TEC: variants seen among roughly 807,000 people sequenced by gnomAD.
The protein encoded by TEC is tyrosine-protein kinase Tec.
TEC carries 72 observed loss-of-function variants against 93.0 expected under a neutral mutation model. The ratio of observed to expected loss-of-function variants is 0.77; its 90% CI spans 0.64 to 0.94. The LOEUF is 0.94. Ranked by LOEUF, TEC falls within the 40% of genes least tolerant of loss-of-function variation. The pLI is 0.00. For synonymous variants in TEC, 249 were observed against 247.7 expected, an observed-to-expected ratio of 1.01 and a Z score of -0.05; for missense variants, 630 against 757.9, an observed-to-expected ratio of 0.83 and a Z score of 1.98.
At chr4:48,177,065 G>A (rs1258497090) in intron 2 of TEC, among the ~76,000 whole-genome samples, 1 of 151,872 alleles carries the variant, frequency 6.6e-6, no homozygotes, top group East Asian at 1.9e-4. Context: ...GCCTGCTGTA[G>A]ATCTGCCTGC....
At chr4:48,233,350 T>G (rs1315728550) in intron 1 of TEC, among the ~76,000 whole-genome samples, 1 of 151,644 alleles carries the variant, frequency 6.6e-6, no homozygotes, top group Non-Finnish European at 1.5e-5. Context: ...CTTTTTTTTT[T>G]TTTTTTTTTT....
intron 2 of TEC, among the ~76,000 whole-genome samples, chr4:48,208,255 A>G (rs1159132304): frequency 6.6e-6 from 1 of 152,164 alleles, no homozygotes; most frequent in East Asian, 1.9e-4. Flanking sequence ...ATCACAGTCT[A>G]ATTTCCTCAA....
chr4:48,172,431 T>G (rs1384155029), intron 3 of TEC, among the ~76,000 whole-genome samples: 5 of 139,546 alleles, frequency 3.6e-5, no homozygotes, highest in South Asian at 2.6e-4. Flanking sequence ...ATCAAAGGAA[T>G]GTACTTTTTT....
intron 7 of TEC, among the ~76,000 whole-genome samples, chr4:48,165,416 G>A (rs1720838407): frequency 6.6e-6 from 1 of 152,112 alleles, no homozygotes; most frequent in Admixed American, 6.5e-5. Context: ...AAATGCAGAT[G>A]GAATGACAAA....
chr4:48,144,645 T>G (rs916354048), intron 14 of TEC, among the ~76,000 whole-genome samples: 1 of 152,344 alleles, frequency 6.6e-6, no homozygotes, highest in Non-Finnish European at 1.5e-5. Context: ...CCAAAGGATT[T>G]CTCTTATAGT....
chr4:48,265,395 G>A (rs1261518984), intron 1 of TEC, among the ~76,000 whole-genome samples: 1 of 146,234 alleles, frequency 6.8e-6, no homozygotes, highest in Admixed American at 6.9e-5. Flanking sequence ...ATATGTGTGT[G>A]TATATGTATA....
intron 2 of TEC, among the ~76,000 whole-genome samples, chr4:48,194,437 T>G (rs1270735631): frequency 6.6e-6 from 1 of 152,356 alleles, no homozygotes; most frequent in South Asian, 2.1e-4. Context: ...TCTAGTTCTC[T>G]TCAATGTTAA....
At chr4:48,217,743 G>T (rs1045963749) in intron 2 of TEC, among the ~76,000 whole-genome samples, 6 of 151,870 alleles carry the variant, frequency 4.0e-5, no homozygotes, top group African/African-American at 1.5e-4. Flanking sequence ...TGGGGCTGGA[G>T]GGGCAGGGAG....
chr4:48,164,324 T>TG (rs1720792347), intron 7 of TEC, among the ~76,000 whole-genome samples: 1 of 152,186 alleles, frequency 6.6e-6, no homozygotes, highest in Non-Finnish European at 1.5e-5. Flanking sequence ...AGCAAATTCT[T>TG]GGGTCATAAC....
intron 2 of TEC, among the ~76,000 whole-genome samples, chr4:48,209,271 A>G (rs1722815347): frequency 1.3e-5 from 2 of 152,142 alleles, no homozygotes; most frequent in African/African-American, 4.8e-5. Context: ...TTGATGATAG[A>G]AAACTATGTC....
intron 1 of TEC, among the ~76,000 whole-genome samples, chr4:48,266,944 G>A (rs1281718658): frequency 1.3e-5 from 2 of 152,190 alleles, no homozygotes; most frequent in African/African-American, 4.8e-5. Context: ...GGGAAAATAG[G>A]GAAGCTGTAC....
chr4:48,144,961 T>C (rs1719841640), intron 14 of TEC, 118 bp downstream of exon 14: 3 of 845,940 alleles, frequency 3.5e-6, no homozygotes, highest in Non-Finnish European at 5.8e-6. Flanking sequence ...ACTTTAAAAA[T>C]AATGGTGAAA....
chr4:48,248,417 C>G (rs578191162), intron 1 of TEC, among the ~76,000 whole-genome samples: 1 of 152,224 alleles, frequency 6.6e-6, no homozygotes, highest in East Asian at 1.9e-4. Context: ...AGAGCACGCA[C>G]CCAGTACACA....
At chr4:48,230,693 G>T (rs17471321) in intron 1 of TEC, among the ~76,000 whole-genome samples, 24,702 of 152,100 alleles carry the variant, frequency 0.16, 2,194 homozygotes, top group Non-Finnish European at 0.2. Context: ...AGTCTGACAC[G>T]AGAGACTGTC....
chr4:48,186,427 G>A (rs1721850532), intron 2 of TEC, among the ~76,000 whole-genome samples: 2 of 151,474 alleles, frequency 1.3e-5, no homozygotes, highest in Non-Finnish European at 2.9e-5. Flanking sequence ...TCTCTGCCTG[G>A]CCGCCCATCG....
At position 48,145,205 on chromosome 4, in the gene TEC, G is replaced by C. The variant is rs1289915576; in HGVS notation, c.1344C>G (p.Gly448=). ...IYIVTEFMER[G]CLLNFLRQRQ... Reference sequence around the variant, plus strand: ...TCTGTCGGAGGAAATTCAGAAGGCAGCCCCTTTCCATGAACTCAGTAACAA... The same window carrying C: ...TCTGTCGGAGGAAATTCAGAAGGCACCCCCTTTCCATGAACTCAGTAACAA... Residue 448 remains glycine (G), a synonymous_variant, in exon 14 of 18, where the codon GGC becomes GGG. Transcript: ENST00000381501. The C allele has an allele frequency of 2.2e-5, 35 of 1,614,004 alleles. No homozygotes were observed. The highest frequency in any genetic ancestry group is 3.3e-5 in the Admixed American group (2 of 59,988).
intron 1 of TEC, among the ~76,000 whole-genome samples, chr4:48,267,723 C>T (rs940927200): frequency 6.6e-6 from 1 of 152,142 alleles, no homozygotes; most frequent in African/African-American, 2.4e-5. Context: ...CAAGGAGCAT[C>T]CACGGGGAAC....
chr4:48,151,315 T>C (rs965250628), intron 9 of TEC, among the ~76,000 whole-genome samples: 9 of 152,326 alleles, frequency 5.9e-5, no homozygotes, highest in African/African-American at 2.2e-4. Context: ...AATGTATTTC[T>C]TAATGATTGG....
At chr4:48,154,602 T>C (rs540763526) in intron 9 of TEC, among the ~76,000 whole-genome samples, 6 of 152,320 alleles carry the variant, frequency 3.9e-5, no homozygotes, top group African/African-American at 1.4e-4. Context: ...AAGTAATTTT[T>C]TCTAGTTTAG....
Sources: allele counts gnomAD v4.1 joint callset (sites outside exome capture counted in the v4.1 genomes callset), GRCh38; gene constraint gnomAD v4.1.1; transcripts MANE v1.5; gene names NCBI Gene and HGNC (gene_info 2026-07-23, HGNC 2026-07-21).